Variants in SPRTN observed in about 807,000 individuals in gnomAD.
The protein encoded by SPRTN is DNA-dependent metalloprotease SPRTN.
Under a neutral mutation model 31.9 loss-of-function variants are expected in SPRTN, and 11 were observed. The observed-to-expected ratio is 0.34, with a 90% CI of 0.22 to 0.57. The LOEUF (loss-of-function observed/expected upper bound fraction) is 0.57, where lower values mean the gene tolerates loss of function less well. Ranked by LOEUF, SPRTN falls within the 20% of genes least tolerant of loss-of-function variation. The pLI is 0.86. For synonymous variants in SPRTN, 185 were observed against 212.1 expected, an observed-to-expected ratio of 0.87 and a Z score of 1.11; for missense variants, 482 against 590.1, an observed-to-expected ratio of 0.82 and a Z score of 1.90.
chr1:231,351,176 T>C, intron 3 of SPRTN, 128 bp from the exon 4 acceptor site: 2 of 1,165,206 alleles, frequency 1.7e-6, no homozygotes, highest in Non-Finnish European at 2.2e-6. Context: ...ATAGAACTTT[T>C]CAGAAAGCTC....
In SPRTN at chr1:231,352,850, T is replaced by A. The variant is rs768853782; in HGVS notation, c.959T>A (p.Val320Asp). ...SKNSHLVSPA[V>D]SNSHQNVLSN... ...AATTCTCATCTGGTCTCCCCTGCTG[T>A]TAGTAACAGTCACCAAAATGTTCTA... Residue 320 changes from valine (V) to aspartate (D), a missense_variant, in exon 5 of 5, where the codon GTT becomes GAT. Coordinates refer to ENST00000295050, the MANE Select transcript of SPRTN (RefSeq NM_032018.7). 2.5e-6 allele frequency: 4 copies of A among 1,613,916 alleles called. No individual in the cohort carries two copies. The highest frequency in any genetic ancestry group is 2.5e-6 in the Non-Finnish European group (3 of 1,179,972).
Position 231,348,350 on chromosome 1 carries a change from G to T in SPRTN, c.450+425G>T, listed in dbSNP as rs141221454. Among the ~76,000 whole-genome samples the T allele has an allele frequency of 3.5e-3, 532 of 152,262 alleles. 3 individuals carry two copies. Among genetic ancestry groups the T allele is most frequent in the African/African-American group, 0.012 (508 of 41,558 alleles). On this transcript the variant is annotated intron_variant, in intron 3 of 4. Transcript: ENST00000295050. Reference sequence around the variant, plus strand: ...GATAGCAAAGCCTCAGGTTCAAAAAGCTGGAGGCGTCAGGCTGCTTGGATT... The same window carrying T: ...GATAGCAAAGCCTCAGGTTCAAAAATCTGGAGGCGTCAGGCTGCTTGGATT...
intron 1 of SPRTN, among the ~76,000 whole-genome samples, chr1:231,338,819 C>A (rs181360865): frequency 6.6e-6 from 1 of 152,244 alleles, no homozygotes; most frequent in Admixed American, 6.5e-5. Context: ...TAGACCACAC[C>A]GCCACGGTTG....
chr1:231,352,010 ATTC>A, intron 4 of SPRTN: 1 of 996,586 alleles, frequency 1.0e-6, no homozygotes, highest in Non-Finnish European at 1.2e-6. Flanking sequence ...TATCAGCTGG[ATTC>A]TATCCAAGTG....
chr1:231,351,651 T>C, intron 4 of SPRTN, 80 bp downstream of exon 4: 1 of 1,542,808 alleles, frequency 6.5e-7, no homozygotes, highest in Non-Finnish European at 8.7e-7. Context: ...AGAGAACTGG[T>C]ATTAAGATAA....
At position 231,354,546 on chromosome 1, in the gene SPRTN, A is replaced by G. The variant is rs1687337060; in HGVS notation, c.*1185A>G. ...AGGCTTCCTATAGGTGTCTGTTCCC[A>G]GTTGATACCCATGACCCTCACCACC... On this transcript the variant is annotated 3_prime_UTR_variant, in exon 5 of 5. Transcript: ENST00000295050. The G allele has an allele frequency of 4.2e-6, 1 of 235,664 alleles. No individual in the cohort carries two copies. The highest frequency in any genetic ancestry group is 1.6e-4 in the South Asian group (1 of 6,434). The allele number at this position is 235,664 out of a possible 1,614,324, so 14.6% of individuals were successfully genotyped here.
chr1:231,342,491 T>C (rs928779106), intron 2 of SPRTN, among the ~76,000 whole-genome samples: 6 of 151,308 alleles, frequency 4.0e-5, no homozygotes, highest in Admixed American at 2.0e-4. Context: ...AGTGCAATGA[T>C]ATGATCTCGG....
Position 231,347,932 on chromosome 1 carries a change from A to G in SPRTN, c.450+7A>G. ...GACTGGAGCCAATATAACGGTATAG[A>G]AAGCCATATCTATTTATGATGTTTA... On this transcript the variant is annotated splice_region_variant and intron_variant, in intron 3 of 4. Transcript: ENST00000295050. 6.2e-7 allele frequency: 1 copy of G among 1,605,938 alleles called. No individual in the cohort carries two copies.
rs200987948 is a variant in SPRTN, at chr1:231,353,163, A to C, written c.1272A>C (p.Lys424Asn). The C allele has an allele frequency of 1.3e-4, 207 of 1,612,114 alleles. No individual in the cohort carries two copies. In the East Asian group the frequency reaches 2.7e-3, roughly 21 times the overall value. ...TTTTTGACAATTTTTTTATCAAGAAAGAGCAAATAAAAAGCAGTGGTAATG... is the reference window on the plus strand; with the variant it reads ...TTTTTGACAATTTTTTTATCAAGAACGAGCAAATAAAAAGCAGTGGTAATG... The part of the protein sequence containing the change: ...KTVFDNFFIK[K>N]EQIKSSGNDP... The change falls in exon 5 of 5, where the codon AAA (lysine) becomes AAC (asparagine). Residue 424 changes from lysine to asparagine, a missense_variant. Coordinates refer to ENST00000295050, the MANE Select transcript of SPRTN (RefSeq NM_032018.7).
At chr1:231,352,259 T>C (rs1409588855) in intron 4 of SPRTN, 1 of 1,014,530 alleles carries the variant, frequency 9.9e-7, no homozygotes, top group East Asian at 9.4e-5. Flanking sequence ...TTCATTTTCG[T>C]GAGTAGAAGG....
intron 4 of SPRTN, 194 bp downstream of exon 4, chr1:231,351,765 GAAGT>G: frequency 1.6e-6 from 2 of 1,240,978 alleles, no homozygotes; most frequent in Non-Finnish European, 2.0e-6. Context: ...GCTCTGTACA[GAAGT>G]AAGTAAAAGT....
rs763927335 is a variant in SPRTN at position 231,352,888 on chromosome 1, C to A, written c.997C>A (p.Pro333Thr). 11 of 1,614,114 alleles carry A rather than the reference C, an allele frequency of 6.8e-6. No homozygotes were observed. Among genetic ancestry groups the A allele is most frequent in the Non-Finnish European group, 9.3e-6 (11 of 1,179,998 alleles). ...SHQNVLSNYF[P>T]RVSFANQKAF... is the part of the protein sequence containing the mutation. ...CCAAAATGTTCTAAGCAACTACTTT[C>A]CTAGAGTATCATTTGCCAACCAAAA... The change falls in exon 5 of 5, where the codon CCT becomes ACT. Residue 333 changes from proline to threonine, a missense_variant. By Grantham distance (38) the Pro-to-Thr change is conservative. Transcript: ENST00000295050.
chr1:231,351,241 T>TA (rs1440291491), intron 3 of SPRTN, 63 bp from the exon 4 acceptor site: 3 of 1,335,634 alleles, frequency 2.2e-6, no homozygotes, highest in Non-Finnish European at 2.9e-6. Context: ...ACTGCTTATG[T>TA]AAATTGTTTT....
intron 2 of SPRTN, among the ~76,000 whole-genome samples, chr1:231,342,588 G>A (rs572613561): frequency 1.3e-5 from 2 of 151,416 alleles, no homozygotes; most frequent in Non-Finnish European, 2.9e-5. Flanking sequence ...GCGCCACCAC[G>A]CCTGGCTGAT....
chr1:231,340,798 C>A (rs1217838323), intron 2 of SPRTN, among the ~76,000 whole-genome samples: 11 of 146,530 alleles, frequency 7.5e-5, no homozygotes, highest in Admixed American at 6.8e-5. Flanking sequence ...AACTCTGTCT[C>A]AAAAAAAAAA....
intron 3 of SPRTN, among the ~76,000 whole-genome samples, chr1:231,348,754 A>G (rs1374010781): frequency 1.3e-5 from 2 of 152,124 alleles, no homozygotes; most frequent in Non-Finnish European, 1.5e-5. Flanking sequence ...TCCTCAGCAG[A>G]TATTTAAGCT....
At chr1:231,350,954 C>G (rs1687208157) in intron 3 of SPRTN, among the ~76,000 whole-genome samples, 1 of 152,028 alleles carries the variant, frequency 6.6e-6, no homozygotes, top group African/African-American at 2.4e-5. Context: ...AAAATCTTAT[C>G]TTTATCCTAA....
chr1:231,338,916 G>C (rs1686774590), intron 1 of SPRTN, among the ~76,000 whole-genome samples: 1 of 152,216 alleles, frequency 6.6e-6, no homozygotes, highest in African/African-American at 2.4e-5. Flanking sequence ...TTATGATAGT[G>C]CTGTAGGACC....
At position 231,353,216 on chromosome 1, in the gene SPRTN, A is replaced by C; in HGVS notation, c.1325A>C (p.Gln442Pro). 1 of 1,614,132 alleles carries C rather than the reference A, an allele frequency of 6.2e-7. No homozygotes were observed. Among genetic ancestry groups the C allele is most frequent in the Non-Finnish European group, 8.5e-7 (1 of 1,179,982 alleles). Residue 442 changes from glutamine (Q) to proline (P), a missense_variant, in exon 5 of 5, where the codon CAG becomes CCG. Transcript: ENST00000295050. Reference sequence around the variant, plus strand: ...CCAAAGTATAGTACAACCACAGCTCAGAATTCCAGCAGTTCATCCAGTCAG... The same window carrying C: ...CCAAAGTATAGTACAACCACAGCTCCGAATTCCAGCAGTTCATCCAGTCAG... Reference protein sequence around the residue: ...NDPKYSTTTAQNSSSSSSQSK... With the variant: ...NDPKYSTTTAPNSSSSSSQSK...
Sources: allele counts gnomAD v4.1 joint callset (sites outside exome capture counted in the v4.1 genomes callset), GRCh38; gene constraint gnomAD v4.1.1; transcripts MANE v1.5; gene names NCBI Gene and HGNC (gene_info 2026-07-23, HGNC 2026-07-21).